SNTB1: variants seen among roughly 807,000 people sequenced by gnomAD.
SNTB1 encodes the protein syntrophin beta 1, also known as beta-1-syntrophin.
SNTB1 carries 36 observed loss-of-function variants against 48.9 expected under a neutral mutation model. That is an observed-to-expected ratio of 0.74 (90% CI 0.56 to 0.97). The LOEUF (loss-of-function observed/expected upper bound fraction) is 0.97. Ranked by LOEUF, SNTB1 falls within the 50% of genes least tolerant of loss-of-function variation. The probability of loss-of-function intolerance (pLI) is 0.00; values close to 1 mark genes in which losing one functional copy is unlikely to be tolerated. For synonymous variants in SNTB1, 299 were observed against 294.6 expected (o/e 1.01, Z -0.15); for missense variants, 786 against 703.4 (o/e 1.12, Z -1.33).
intron 4 of SNTB1, among the ~76,000 whole-genome samples, chr8:120,568,641 C>T (rs1457456564): frequency 6.6e-6 from 1 of 152,228 alleles, no homozygotes; most frequent in African/African-American, 2.4e-5. Flanking sequence ...AAACTCCCAG[C>T]TCTGCCATTT....
intron 1 of SNTB1, among the ~76,000 whole-genome samples, chr8:120,754,151 G>T (rs1235503724): frequency 6.6e-6 from 1 of 152,092 alleles, no homozygotes; most frequent in African/African-American, 2.4e-5. Flanking sequence ...ACAGAGAATA[G>T]AACCTGAAAA....
At chr8:120,671,324 C>T (rs1255730868) in intron 2 of SNTB1, among the ~76,000 whole-genome samples, 1 of 152,192 alleles carries the variant, frequency 6.6e-6, no homozygotes, top group Non-Finnish European at 1.5e-5. Context: ...AAGATCTTTG[C>T]AATGTAATTA....
intron 1 of SNTB1, among the ~76,000 whole-genome samples, chr8:120,733,461 A>G (rs1818887173): frequency 6.6e-6 from 1 of 152,266 alleles, no homozygotes; most frequent in African/African-American, 2.4e-5. Context: ...GCTCCAAGCA[A>G]TAGATCTTTT....
At chr8:120,573,737 G>T (rs1027335751) in intron 4 of SNTB1, among the ~76,000 whole-genome samples, 1 of 152,034 alleles carries the variant, frequency 6.6e-6, no homozygotes, top group Non-Finnish European at 1.5e-5. Context: ...AGGGTTCATT[G>T]TTTTGCATAT....
chr8:120,693,168 C>T (rs1048238492), intron 2 of SNTB1, among the ~76,000 whole-genome samples: 3 of 152,100 alleles, frequency 2.0e-5, no homozygotes, highest in African/African-American at 4.8e-5. Context: ...CTCACTGCCT[C>T]GGGGCGGGCA....
At chr8:120,786,227 T>C (rs975845746) in intron 1 of SNTB1, among the ~76,000 whole-genome samples, 3 of 152,274 alleles carry the variant, frequency 2.0e-5, no homozygotes, top group African/African-American at 7.2e-5. Context: ...CCTCAGGGAT[T>C]GCTACTCCTA....
chr8:120,646,214 G>A (rs1817294956), intron 2 of SNTB1, among the ~76,000 whole-genome samples: 1 of 133,864 alleles, frequency 7.5e-6, no homozygotes, highest in Admixed American at 7.6e-5. Context: ...GAATAGGAGT[G>A]GTGAGAGAGG....
chr8:120,676,492 A>G (rs540332804), intron 2 of SNTB1, among the ~76,000 whole-genome samples: 1 of 152,328 alleles, frequency 6.6e-6, no homozygotes, highest in Non-Finnish European at 1.5e-5. Flanking sequence ...TCTTTCCACT[A>G]CAACTTGCAG....
At chr8:120,655,886 G>A (rs901250401) in intron 2 of SNTB1, among the ~76,000 whole-genome samples, 1 of 152,202 alleles carries the variant, frequency 6.6e-6, no homozygotes, top group Non-Finnish European at 1.5e-5. Context: ...CTGGAAGGCA[G>A]GAAGGAGGAG....
chr8:120,562,104 A>G (rs1207386200), intron 4 of SNTB1, among the ~76,000 whole-genome samples: 1 of 152,244 alleles, frequency 6.6e-6, no homozygotes, highest in East Asian at 1.9e-4. Context: ...GATAAAATGC[A>G]GAGTCAAATA....
At chr8:120,641,678 T>C (rs1817198827) in intron 2 of SNTB1, among the ~76,000 whole-genome samples, 1 of 152,186 alleles carries the variant, frequency 6.6e-6, no homozygotes, top group Non-Finnish European at 1.5e-5. Context: ...AGTTCACAAA[T>C]TGTAGGTGTC....
chr8:120,676,736 C>T (rs1197493920), intron 2 of SNTB1, among the ~76,000 whole-genome samples: 3 of 152,106 alleles, frequency 2.0e-5, no homozygotes, highest in African/African-American at 7.2e-5. Flanking sequence ...GACCAAGGTA[C>T]ATGTTCTAAA....
intron 2 of SNTB1, among the ~76,000 whole-genome samples, chr8:120,673,205 C>T (rs1174511950): frequency 6.6e-6 from 1 of 152,142 alleles, no homozygotes; most frequent in African/African-American, 2.4e-5. Flanking sequence ...GAACCAATTG[C>T]CTGCATTCAA....
intron 1 of SNTB1, among the ~76,000 whole-genome samples, chr8:120,784,075 C>A (rs941209172): frequency 6.6e-6 from 1 of 152,024 alleles, no homozygotes; most frequent in Non-Finnish European, 1.5e-5. Flanking sequence ...CTCACTGCAA[C>A]CTCCACCTCC....
At chr8:120,558,960 G>A (rs1450747870) in intron 4 of SNTB1, among the ~76,000 whole-genome samples, 1 of 152,120 alleles carries the variant, frequency 6.6e-6, no homozygotes, top group East Asian at 1.9e-4. Flanking sequence ...CTCAGTATCT[G>A]TTAAATGAAT....
intron 2 of SNTB1, among the ~76,000 whole-genome samples, chr8:120,635,051 C>T (rs1817052056): frequency 6.6e-6 from 1 of 152,068 alleles, no homozygotes; most frequent in African/African-American, 2.4e-5. Context: ...GACGGGGTTT[C>T]TCCGTGTTAG....
At chr8:120,778,498 A>C (rs113823367) in intron 1 of SNTB1, among the ~76,000 whole-genome samples, 8 of 152,240 alleles carry the variant, frequency 5.3e-5, no homozygotes, top group Admixed American at 1.3e-4. Context: ...TCAGAACAAA[A>C]GGATTTGTCT....
Position 120,725,575 on chromosome 8 carries a change from C to G in SNTB1, c.572-31667G>C, listed in dbSNP as rs78057109. Among the ~76,000 whole-genome samples the G allele has an allele frequency of 9.0e-3, 1,372 of 152,256 alleles. 20 individuals carry two copies. The highest frequency in any genetic ancestry group is 0.031 in the African/African-American group (1,303 of 41,546). On this transcript the variant is annotated intron_variant, in intron 1 of 6. Transcript: ENST00000517992. ...AGATTTCAGCTTTGGAAGCCACTTT[C>G]TTTGTTTGTTTGTTTTTGAAAGTAA...
chr8:120,768,313 T>C (rs541121607), intron 1 of SNTB1, among the ~76,000 whole-genome samples: 8 of 152,192 alleles, frequency 5.3e-5, no homozygotes, highest in East Asian at 1.9e-4. Context: ...CTACAGCCAG[T>C]AGTGATTGGT....
Sources: gnomAD v4.1 joint callset for allele counts (sites outside exome capture counted in the v4.1 genomes callset) on GRCh38, gnomAD v4.1.1 for gene constraint, MANE v1.5 for transcripts, NCBI Gene and HGNC (gene_info 2026-07-23, HGNC 2026-07-21) for gene names.